The following MYO18B variants were observed in gnomAD, a reference collection of about 807,000 sequenced individuals.
MYO18B encodes the protein myosin XVIIIB, also known as unconventional myosin-XVIIIb.
A neutral mutation model predicts 273.0 loss-of-function variants in MYO18B; 204 were observed. That is an observed-to-expected ratio of 0.75 (90% CI 0.67 to 0.84). MYO18B has a LOEUF of 0.84. Ranked by LOEUF, MYO18B falls within the 40% of genes least tolerant of loss-of-function variation. MYO18B has a pLI of 0.00. For synonymous variants in MYO18B, 1,330 were observed against 1,305.7 expected (o/e 1.02, Z -0.40); for missense variants, 3,212 against 3,287.6 (o/e 0.98, Z 0.56).
At chr22:25,761,379 A>AGGTGGT in intron 2 of MYO18B, among the ~76,000 whole-genome samples, 14 of 151,402 alleles carry the variant, frequency 9.2e-5, no homozygotes, top group Admixed American at 3.3e-4. Context: ...CCTGTTCCAC[A>AGGTGGT]GGTGGTGGTG....
intron 1 of MYO18B, among the ~76,000 whole-genome samples, chr22:25,743,897 G>C (rs2085700419): frequency 1.3e-5 from 2 of 152,212 alleles, no homozygotes; most frequent in Admixed American, 6.5e-5. Context: ...CTACCCATCA[G>C]ACTCATGTGG....
chr22:25,946,408 C>A (rs1427336543), intron 35 of MYO18B, among the ~76,000 whole-genome samples, 158 bp downstream of exon 35: 2 of 151,874 alleles, frequency 1.3e-5, no homozygotes, highest in African/African-American at 2.4e-5. Flanking sequence ...CATTGTAGGC[C>A]TTTTATGTGC....
intron 13 of MYO18B, among the ~76,000 whole-genome samples, chr22:25,825,154 GAT>G (rs1450929829): frequency 1.3e-5 from 2 of 152,186 alleles, no homozygotes; most frequent in Non-Finnish European, 2.9e-5. Context: ...GGCACAGACA[GAT>G]GCAGTCACCA....
intron 39 of MYO18B, among the ~76,000 whole-genome samples, chr22:25,989,733 G>A (rs2146834005): frequency 7.1e-6 from 1 of 140,870 alleles, no homozygotes; most frequent in Non-Finnish European, 1.5e-5. Context: ...GGGAGGCGGA[G>A]CTTGCAGTAA....
intron 1 of MYO18B, among the ~76,000 whole-genome samples, chr22:25,751,345 C>T (rs1431716357): frequency 6.6e-6 from 1 of 152,246 alleles, no homozygotes; most frequent in African/African-American, 2.4e-5. Flanking sequence ...ACGCCCTGTG[C>T]TGTGACTAAC....
intron 34 of MYO18B, among the ~76,000 whole-genome samples, chr22:25,928,233 A>G (rs1445890427): frequency 1.3e-5 from 2 of 152,002 alleles, no homozygotes; most frequent in East Asian, 3.9e-4. Context: ...AGCCATAGAA[A>G]GCTACTGAGC....
chr22:25,872,243 G>GA (rs2091068124), intron 22 of MYO18B, among the ~76,000 whole-genome samples: 1 of 152,114 alleles, frequency 6.6e-6, no homozygotes, highest in South Asian at 2.1e-4. Flanking sequence ...TCTCCATTAC[G>GA]AAAAATAGGG....
At chr22:25,847,785 A>G (rs1463141464) in intron 20 of MYO18B, 133 bp downstream of exon 20, 1 of 668,584 alleles carries the variant, frequency 1.5e-6, no homozygotes, top group Non-Finnish European at 2.5e-6. Context: ...TACTCTTCCC[A>G]GCAGTCTTCT....
intron 26 of MYO18B, 86 bp from the exon 27 acceptor site, chr22:25,891,218 C>G (rs761237466): frequency 1.9e-6 from 2 of 1,038,788 alleles, no homozygotes; most frequent in Non-Finnish European, 2.9e-6. Context: ...GTGGCCAATC[C>G]GAGCCTTGGA....
At position 25,843,868 on chromosome 22, in the gene MYO18B, A is replaced by T; in HGVS notation, c.3342A>T (p.Ala1114=). Reference sequence around the variant, plus strand: ...AGCCCAACCTCTCGGCCCTGGATGCACCCCAGGTCCTGCACCAGTCAAAAA... The same window carrying T: ...AGCCCAACCTCTCGGCCCTGGATGCTCCCCAGGTCCTGCACCAGTCAAAAA... The part of the protein sequence containing the change: ...RAKPNLSALD[A]PQVLHQSKRE... The change falls in exon 18 of 44, where the codon GCA becomes GCT. Residue 1114 remains alanine, a synonymous_variant. Transcript: ENST00000335473. The T allele has an allele frequency of 6.2e-7, 1 of 1,611,592 alleles. No individual in the cohort carries two copies. The highest frequency in any genetic ancestry group is 8.5e-7 in the Non-Finnish European group (1 of 1,178,020).
chr22:25,996,975 C>T (rs1933319300), intron 40 of MYO18B, among the ~76,000 whole-genome samples: 1 of 152,110 alleles, frequency 6.6e-6, no homozygotes, highest in African/African-American at 2.4e-5. Flanking sequence ...TTAAAATGCC[C>T]CAGTGCCCCA....
At position 26,004,745 on chromosome 22, in the gene MYO18B, G is replaced by C; in HGVS notation, c.6360G>C (p.Gln2120His). The change falls in exon 42 of 44, where the codon CAG (glutamine) becomes CAC (histidine). Residue 2120 changes from glutamine (Q) to histidine (H), a missense_variant. Physicochemically the swap from Gln to His is conservative, Grantham distance 24. Coordinates refer to ENST00000335473, the MANE Select transcript of MYO18B (RefSeq NM_032608.7). The part of the protein sequence containing the change: ...EMDNVSILSS[Q>H]PEGSLQSWLS... The stretch of plus-strand genomic sequence containing the variant: ...ATAACGTCTCCATCCTCAGCTCCCA[G>C]CCAGAGGGCAGCCTGCAGTCCTGGT... The C allele has an allele frequency of 1.2e-6, 2 of 1,613,880 alleles. No individual in the cohort carries two copies. The highest frequency in any genetic ancestry group is 1.7e-6 in the Non-Finnish European group (2 of 1,179,824).
chr22:25,844,899 G>A (rs1340340038), intron 18 of MYO18B, among the ~76,000 whole-genome samples: 1 of 152,222 alleles, frequency 6.6e-6, no homozygotes. Flanking sequence ...CTGAGTGACC[G>A]TGGGCAGTCG....
chr22:25,886,732 G>GGGT (rs2091512098), intron 25 of MYO18B, among the ~76,000 whole-genome samples: 1 of 152,294 alleles, frequency 6.6e-6, no homozygotes, highest in South Asian at 2.1e-4. Flanking sequence ...GTCAAAGAAA[G>GGGT]GGTCAGATGG....
rs893591011 is a variant in MYO18B, at chr22:25,753,238, T to TG, written c.-109-7738dup. Among the ~76,000 whole-genome samples, 58 of 151,600 alleles carry TG rather than the reference T, an allele frequency of 3.8e-4. 1 individual carries two copies. In the South Asian group the frequency reaches 7.7e-3, roughly 20 times the overall value. On this transcript the variant is annotated intron_variant, in intron 1 of 43. Transcript: ENST00000335473. Reference sequence around the variant, plus strand: ...GCCTCCCGGTCGGCAGGGGCGGGTGTGGGGGGGGCGGGGGTTGCTGGATTG... The same window carrying TG: ...GCCTCCCGGTCGGCAGGGGCGGGTGTGGGGGGGGGCGGGGGTTGCTGGATTG...
At chr22:25,963,776 G>C (rs1233567598) in intron 39 of MYO18B, among the ~76,000 whole-genome samples, 1 of 151,380 alleles carries the variant, frequency 6.6e-6, no homozygotes. Flanking sequence ...TGTTTTATTG[G>C]GTAGCTATGG....
At chr22:25,985,213 T>G (rs186886947) in intron 39 of MYO18B, among the ~76,000 whole-genome samples, 195 of 152,090 alleles carry the variant, frequency 1.3e-3, no homozygotes, top group African/African-American at 4.4e-3. Flanking sequence ...ATACAAAAAT[T>G]AGCCAGGCAT....
At chr22:25,764,693 C>CT (rs1271126357) in intron 3 of MYO18B, among the ~76,000 whole-genome samples, 1 of 152,224 alleles carries the variant, frequency 6.6e-6, no homozygotes, top group African/African-American at 2.4e-5. Flanking sequence ...TGTTCCCACT[C>CT]TTGCCTGACC....
At chr22:25,903,078 A>C in intron 30 of MYO18B, 1 of 239,376 alleles carries the variant, frequency 4.2e-6, no homozygotes, top group Non-Finnish European at 8.2e-6. Context: ...ATGCAGAGAG[A>C]TTTTACTAAA....
Sources: allele counts gnomAD v4.1 joint callset (sites outside exome capture counted in the v4.1 genomes callset), GRCh38; gene constraint gnomAD v4.1.1; transcripts MANE v1.5; gene names NCBI Gene and HGNC (gene_info 2026-07-23, HGNC 2026-07-21).